The following GFI1 variants were observed in gnomAD, a reference collection of about 807,000 sequenced individuals.
GFI1 encodes zinc finger protein Gfi-1.
Under a neutral mutation model 39.2 loss-of-function variants are expected in GFI1, and 15 were observed. The observed-to-expected ratio is 0.38, with a 90% CI of 0.26 to 0.59. GFI1 has a LOEUF of 0.59. Ranked by LOEUF, GFI1 falls within the 20% of genes least tolerant of loss-of-function variation. The pLI is 0.62. For synonymous variants in GFI1, 239 were observed against 254.3 expected (o/e 0.94, Z 0.57); for missense variants, 475 against 574.0 (o/e 0.83, Z 1.76).
Position 92,480,912 on chromosome 1 carries a change from G to T in GFI1, c.475C>A (p.Pro159Thr), listed in dbSNP as rs752703881. 2 of 1,550,290 alleles carry T rather than the reference G, an allele frequency of 1.3e-6. No homozygotes were observed. The highest frequency in any genetic ancestry group is 4.9e-5 in the East Asian group (2 of 41,000). ...AGLGLFCEPA[P>T]EPGHPAALYG... ...AGCGCGGCCGGGTGGCCAGGCTCCGGGGCGGGTTCGCAGAAGAGGCCCAGG... is the reference window on the plus strand; with the variant it reads ...AGCGCGGCCGGGTGGCCAGGCTCCGTGGCGGGTTCGCAGAAGAGGCCCAGG... Residue 159 changes from proline to threonine, a missense_variant, in exon 4 of 7, where the codon CCG (proline) becomes ACG (threonine). Coordinates refer to ENST00000294702, the MANE Select transcript of GFI1 (RefSeq NM_005263.5). This position sits in a 1 kb window ranked among gnomAD's most constrained non-coding sequence, Gnocchi z 5.6.
At position 92,480,751 on chromosome 1, in the gene GFI1, C is replaced by A. The variant is rs997168436; in HGVS notation, c.636G>T (p.Glu212Asp). ...DFGSAAAGLY[E>D]RPTAAAGLLY... ...GCAAGCCCGCCGCTGCCGTGGGCCT[C>A]TCATACAGCCCGGCTGCCGCAGACC... The change falls in exon 4 of 7, where the codon GAG becomes GAT. Residue 212 changes from glutamate (E) to aspartate (D), a missense_variant. This residue lies in a region of GFI1 where 9 missense variants were observed against 26.9 expected (regional missense o/e 0.33). Transcript: ENST00000294702. The surrounding 1 kb of genome is among the most constrained non-coding windows in gnomAD (Gnocchi z 5.6). The A allele has an allele frequency of 3.1e-6, 5 of 1,600,706 alleles. No individual in the cohort carries two copies. The highest frequency in any genetic ancestry group is 4.2e-6 in the Non-Finnish European group (5 of 1,178,492).
chr1:92,481,706 C>T lies in GFI1; in HGVS notation c.299-618G>A, dbSNP rs549430154. The stretch of plus-strand genomic sequence containing the variant: ...CCCAGTGTACGTAGCAAAGGAGCAG[C>T]AGGAAAGGGGCTTTTGGGCTTAAAT... On this transcript the variant is annotated intron_variant, in intron 3 of 6. Transcript: ENST00000294702. This position sits in a 1 kb window ranked among gnomAD's most constrained non-coding sequence, Gnocchi z 4.3. Among the ~76,000 whole-genome samples, 7 of 152,178 alleles carry T rather than the reference C, an allele frequency of 4.6e-5. No homozygotes were observed. The highest frequency in any genetic ancestry group is 8.8e-5 in the Non-Finnish European group (6 of 68,038).
In GFI1 at chr1:92,480,433, C is replaced by T; in HGVS notation, c.839G>A (p.Gly280Asp). 6.4e-7 allele frequency: 1 copy of T among 1,550,412 alleles called. No individual in the cohort carries two copies. Among genetic ancestry groups the T allele is most frequent in the Non-Finnish European group, 8.7e-7 (1 of 1,146,662 alleles). Residue 280 changes from glycine (G) to aspartate (D), a missense_variant, in exon 5 of 7, where the codon GGT becomes GAT. Around this residue, in one of 4 missense-constraint regions of GFI1, gnomAD observed 112 missense variants for 202.8 expected, o/e 0.55. Transcript: ENST00000294702. The surrounding 1 kb of genome is among the most constrained non-coding windows in gnomAD (Gnocchi z 5.6). ...CATCTCGCAGGCAAAGGGTCTGGTA[C>T]CGCTGTGGGACCTGCGCACGTGCAC... ...LEVHVRRSHS[G>D]TRPFACEMCG...
chr1:92,480,618 A>C lies in GFI1; in HGVS notation c.769T>G (p.Cys257Gly). 1 of 1,567,426 alleles carries C rather than the reference A, an allele frequency of 6.4e-7. No homozygotes were observed. Among genetic ancestry groups the C allele is most frequent in the Non-Finnish European group, 8.6e-7 (1 of 1,161,790 alleles). The change falls in exon 4 of 7, where the codon TGC (cysteine) becomes GGC (glycine). Residue 257 changes from cysteine to glycine, a missense_variant. This residue lies in a region of GFI1 where 79 missense variants were observed against 68.4 expected (regional missense o/e 1.15). Coordinates refer to ENST00000294702, the MANE Select transcript of GFI1 (RefSeq NM_005263.5). This position sits in a 1 kb window ranked among gnomAD's most constrained non-coding sequence, Gnocchi z 5.6. ...RLLLGGGSYKCIKCSKVFSTP... is the reference protein window; with the variant it reads ...RLLLGGGSYKGIKCSKVFSTP... ...AGCCTCACCTTGCTGCACTTGATGC[A>C]CTTGTAGGAGCCGCCGCCCAGCAGC...
rs1243680089 is a variant in GFI1 at position 92,475,320 on chromosome 1, A to G, written c.*709T>C. 4 of 152,480 alleles carry G rather than the reference A, an allele frequency of 2.6e-5. No homozygotes were observed. The highest frequency in any genetic ancestry group is 5.8e-5 in the Non-Finnish European group (4 of 68,388). The allele number at this position is 152,480 out of a possible 1,614,324, so 9.4% of individuals were successfully genotyped here. A position where few individuals can be genotyped will look rare whatever the true frequency, so the allele number is the denominator to read the frequency against. On this transcript the variant is annotated 3_prime_UTR_variant, in exon 7 of 7. Transcript: ENST00000294702. Reference sequence around the variant, plus strand: ...TTTTACCTCCAGTGATGAGGTTTTCACAGCCCTACTGAAGGGAGGACCTCT... The same window carrying G: ...TTTTACCTCCAGTGATGAGGTTTTCGCAGCCCTACTGAAGGGAGGACCTCT...
Position 92,475,936 on chromosome 1 carries a change from G to GGAGTGGAGGCAAGCAGGGAGCA in GFI1, c.*71_*92dup. On this transcript the variant is annotated 3_prime_UTR_variant, in exon 7 of 7. Coordinates refer to ENST00000294702, the MANE Select transcript of GFI1 (RefSeq NM_005263.5). The stretch of plus-strand genomic sequence containing the variant: ...GACCTGGGGTCTGGAAAGTCAGAAG[G>GGAGTGGAGGCAAGCAGGGAGCA]GAGTGGAGGCAAGCAGGGAGCAGAG... The GGAGTGGAGGCAAGCAGGGAGCA allele has an allele frequency of 1.7e-6, 2 of 1,206,524 alleles. No homozygotes were observed. The highest frequency in any genetic ancestry group is 1.3e-5 in the South Asian group (1 of 78,402). 74.7% of individuals were successfully genotyped at this position (1,206,524 alleles called of 1,614,324 possible).
Position 92,481,158 on chromosome 1 carries a change from G to T in GFI1, c.299-70C>A. The T allele has an allele frequency of 7.4e-7, 1 of 1,349,782 alleles. No homozygotes were observed. The highest frequency in any genetic ancestry group is 1.0e-6 in the Non-Finnish European group (1 of 961,010). The allele number at this position is 1,349,782 out of a possible 1,614,324, so 83.6% of individuals were successfully genotyped here. A position where few individuals can be genotyped will look rare whatever the true frequency, so the allele number is the denominator to read the frequency against. ...GAGCGGAGGCCGCCGGGCTGCGGCTGCGAGCGTGGCGTGTTCGCGGACTGC... is the reference window on the plus strand; with the variant it reads ...GAGCGGAGGCCGCCGGGCTGCGGCTTCGAGCGTGGCGTGTTCGCGGACTGC... On this transcript the variant is annotated intron_variant, in intron 3 of 6. Coordinates refer to ENST00000294702, the MANE Select transcript of GFI1 (RefSeq NM_005263.5). This position sits in a 1 kb window ranked among gnomAD's most constrained non-coding sequence, Gnocchi z 4.3.
At position 92,480,892 on chromosome 1, in the gene GFI1, G is replaced by C; in HGVS notation, c.495C>G (p.Ala165=). The C allele has an allele frequency of 1.3e-6, 2 of 1,541,144 alleles. No individual in the cohort carries two copies. The highest frequency in any genetic ancestry group is 1.8e-6 in the Non-Finnish European group (2 of 1,142,522). The part of the protein sequence containing the change: ...CEPAPEPGHP[A]ALYGPKRAAG... ...CAGCCCGCTTCGGGCCGTACAGCGC[G>C]GCCGGGTGGCCAGGCTCCGGGGCGG... The change falls in exon 4 of 7, where the codon GCC becomes GCG. Residue 165 remains alanine, a synonymous_variant. Coordinates refer to ENST00000294702, the MANE Select transcript of GFI1 (RefSeq NM_005263.5). This position sits in a 1 kb window ranked among gnomAD's most constrained non-coding sequence, Gnocchi z 5.6.
rs1172360976 is a variant in GFI1, at chr1:92,481,612, G to A, written c.299-524C>T. On this transcript the variant is annotated intron_variant, in intron 3 of 6. Transcript: ENST00000294702. This position sits in a 1 kb window ranked among gnomAD's most constrained non-coding sequence, Gnocchi z 4.3. ...AGGAGGGAGAAGGTCCATAAATGCG[G>A]CCCCGAACTACCCGAAAGGCTGCTG... is the stretch of plus-strand genomic sequence containing the variant. Among the ~76,000 whole-genome samples the A allele has an allele frequency of 6.6e-6, 1 of 152,142 alleles. No individual in the cohort carries two copies. Among genetic ancestry groups the A allele is most frequent in the African/African-American group, 2.4e-5 (1 of 41,410 alleles).
Position 92,480,631 on chromosome 1 carries a change from G to T in GFI1, c.756C>A (p.Gly252=). The T allele has an allele frequency of 6.3e-7, 1 of 1,580,688 alleles. No homozygotes were observed. The highest frequency in any genetic ancestry group is 8.6e-7 in the Non-Finnish European group (1 of 1,169,402). Residue 252 remains glycine, a synonymous_variant, in exon 4 of 7, where the codon GGC becomes GGA. Coordinates refer to ENST00000294702, the MANE Select transcript of GFI1 (RefSeq NM_005263.5). The surrounding 1 kb of genome is among the most constrained non-coding windows in gnomAD (Gnocchi z 5.6). ...TGCACTTGATGCACTTGTAGGAGCCGCCGCCCAGCAGCAGGCGGGTGCACA... is the reference window on the plus strand; with the variant it reads ...TGCACTTGATGCACTTGTAGGAGCCTCCGCCCAGCAGCAGGCGGGTGCACA... ...ELLCTRLLLG[G]GSYKCIKCSK... is the part of the protein sequence containing the mutation.
rs1657927795 is a variant in GFI1 at position 92,475,706 on chromosome 1, G to A, written c.*323C>T. On this transcript the variant is annotated 3_prime_UTR_variant, in exon 7 of 7. Coordinates refer to ENST00000294702, the MANE Select transcript of GFI1 (RefSeq NM_005263.5). Reference sequence around the variant, plus strand: ...TGTCTGTAGATTAGGGCTGGAAATGGGAAGGACTGTGGGGTCTAAGATTTA... The same window carrying A: ...TGTCTGTAGATTAGGGCTGGAAATGAGAAGGACTGTGGGGTCTAAGATTTA... 2.6e-6 allele frequency: 1 copy of A among 388,444 alleles called. No homozygotes were observed. The highest frequency in any genetic ancestry group is 4.9e-6 in the Non-Finnish European group (1 of 205,192). The allele number at this position is 388,444 out of a possible 1,614,324, so 24.1% of individuals were successfully genotyped here. A position where few individuals can be genotyped will look rare whatever the true frequency, so the allele number is the denominator to read the frequency against.
intron 5 of GFI1, among the ~76,000 whole-genome samples, chr1:92,479,554 A>G (rs1658123151): frequency 6.6e-6 from 1 of 152,198 alleles, no homozygotes; most frequent in South Asian, 2.1e-4. Context: ...TAATGAATGA[A>G]TGAATAAATA....
chr1:92,474,673 A>G lies in GFI1; in HGVS notation c.*1356T>C, dbSNP rs1255296781. 1 of 152,672 alleles carries G rather than the reference A, an allele frequency of 6.5e-6. No individual in the cohort carries two copies. The highest frequency in any genetic ancestry group is 2.4e-5 in the African/African-American group (1 of 41,464). The allele number at this position is 152,672 out of a possible 1,614,324, so 9.5% of individuals were successfully genotyped here. On this transcript the variant is annotated 3_prime_UTR_variant, in exon 7 of 7. Coordinates refer to ENST00000294702, the MANE Select transcript of GFI1 (RefSeq NM_005263.5). ...CTTGTGTGCTTCACTTTTATACTCC[A>G]TTGCAGTTTCCTTCAGTGCCAGCTT...
chr1:92,481,867 C>T lies in GFI1; in HGVS notation c.299-779G>A, dbSNP rs573443108. Among the ~76,000 whole-genome samples the T allele has an allele frequency of 6.6e-6, 1 of 151,874 alleles. No homozygotes were observed. Among genetic ancestry groups the T allele is most frequent in the East Asian group, 2.0e-4 (1 of 5,108 alleles). On this transcript the variant is annotated intron_variant, in intron 3 of 6. Coordinates refer to ENST00000294702, the MANE Select transcript of GFI1 (RefSeq NM_005263.5). This position sits in a 1 kb window ranked among gnomAD's most constrained non-coding sequence, Gnocchi z 4.3. ...AGCTCTGAATTCTCGGCCTGCTACG[C>T]CCCCACCCACGTGAATTTTGCTAAA...
At chr1:92,478,474 G>C in intron 6 of GFI1, 114 bp downstream of exon 6, 1 of 896,766 alleles carries the variant, frequency 1.1e-6, no homozygotes, top group Non-Finnish European at 1.9e-6. Flanking sequence ...ACAGAGCAGA[G>C]AATAACTCCA....
Position 92,482,716 on chromosome 1 carries a change from C to A in GFI1, c.298+148G>T. 1.4e-6 allele frequency: 1 copy of A among 702,072 alleles called. No individual in the cohort carries two copies. Among genetic ancestry groups the A allele is most frequent in the South Asian group, 1.6e-5 (1 of 63,112 alleles). 43.5% of individuals were successfully genotyped at this position (702,072 alleles called of 1,614,324 possible). On this transcript the variant is annotated intron_variant, in intron 3 of 6. Transcript: ENST00000294702. The surrounding 1 kb of genome is among the most constrained non-coding windows in gnomAD (Gnocchi z 4.4). The stretch of plus-strand genomic sequence containing the variant: ...GTCCAAGTCCCAGAGAAGCCGGATG[C>A]CTCCTTCCCCTACGAATCAGCTCCC...
rs568577623 is a variant in GFI1 at position 92,480,102 on chromosome 1, T to G, written c.924+246A>C. 5.3e-5 allele frequency among the ~76,000 whole-genome samples: 8 copies of G among 152,282 alleles called. No homozygotes were observed. The highest frequency in any genetic ancestry group is 7.4e-5 in the Non-Finnish European group (5 of 68,014). ...CTCAAGCCCAAAGTAACAATGAGGA[T>G]CACACTCTCGAGGCTCACAGTGGTG... On this transcript the variant is annotated intron_variant, in intron 5 of 6. Transcript: ENST00000294702. This position sits in a 1 kb window ranked among gnomAD's most constrained non-coding sequence, Gnocchi z 5.6.
intron 1 of GFI1, chr1:92,483,883 C>T: frequency 3.0e-6 from 1 of 336,762 alleles, no homozygotes. Context: ...CCTTTCCTAG[C>T]GAAGCTCGCT....
Position 92,474,515 on chromosome 1 carries a change from A to C in GFI1, c.*1514T>G, listed in dbSNP as rs1024617864. On this transcript the variant is annotated 3_prime_UTR_variant, in exon 7 of 7. Transcript: ENST00000294702. ...GGAACCATCAGGGGCTCTACAAGGTAGTAGCTTAGTTTTGTACACCTCCTA... is the reference window on the plus strand; with the variant it reads ...GGAACCATCAGGGGCTCTACAAGGTCGTAGCTTAGTTTTGTACACCTCCTA... Among the ~76,000 whole-genome samples the C allele has an allele frequency of 6.6e-6, 1 of 152,244 alleles. No homozygotes were observed. Among genetic ancestry groups the C allele is most frequent in the African/African-American group, 2.4e-5 (1 of 41,460 alleles).
Sources: allele counts gnomAD v4.1 joint callset (sites outside exome capture counted in the v4.1 genomes callset), GRCh38; gene constraint gnomAD v4.1.1; regional missense constraint gnomAD v4.1.1; non-coding constraint Gnocchi (gnomAD v3.1); transcripts MANE v1.5; gene names NCBI Gene and HGNC (gene_info 2026-07-23, HGNC 2026-07-21).